SYNPO: variants seen among roughly 807,000 people sequenced by gnomAD.
SYNPO encodes synaptopodin.
A neutral mutation model predicts 49.5 loss-of-function variants in SYNPO; 19 were observed. That is an observed-to-expected ratio of 0.38 (90% confidence interval 0.27 to 0.56). SYNPO has a LOEUF of 0.56. SYNPO is among the 20% of genes least tolerant of loss of function. The pLI is 0.68. For missense variants in SYNPO, 1,131 were observed against 1,248.3 expected, an observed-to-expected ratio of 0.91 and a Z score of 1.42; for synonymous variants, 536 against 548.0, an observed-to-expected ratio of 0.98 and a Z score of 0.31.
At chr5:150,641,538 TC>T (rs58682953) in intron 1 of SYNPO, among the ~76,000 whole-genome samples, 2,867 of 152,182 alleles carry the variant, frequency 0.019, 88 homozygotes, top group African/African-American at 0.065. Flanking sequence ...TGGCCTCCCT[TC>T]CCCGGCCCCA....
chr5:150,618,744 G>C (rs1047079360), exon 2 of SYNPO: 3 of 1,551,014 alleles, frequency 1.9e-6, no homozygotes, highest in Non-Finnish European at 2.6e-6. Context: ...CCTGGCCCTG[G>C]GCCCAGAGTG....
intron 2 of SYNPO, 101 bp from the exon 3 acceptor site, chr5:150,656,302 CT>C: frequency 1.0e-6 from 1 of 993,542 alleles, no homozygotes; most frequent in Admixed American, 3.1e-5. Flanking sequence ...GGTGGCTTCC[CT>C]TCTCGGTGTA....
chr5:150,637,232 G>A (rs1757746168), upstream of SYNPO, among the ~76,000 whole-genome samples: 1 of 152,128 alleles, frequency 6.6e-6, no homozygotes, highest in South Asian at 2.1e-4. Context: ...AGGCTGAATG[G>A]ATTCGGGAGT....
chr5:150,620,678 G>A (rs1467635419), intron 2 of SYNPO, among the ~76,000 whole-genome samples: 6 of 152,178 alleles, frequency 3.9e-5, no homozygotes, highest in Non-Finnish European at 7.3e-5. Flanking sequence ...CTGTTGGCAA[G>A]TCACACCAAG....
chr5:150,645,196 G>C (rs1201008137), intron 1 of SYNPO, among the ~76,000 whole-genome samples: 1 of 152,328 alleles, frequency 6.6e-6, no homozygotes, highest in Admixed American at 6.5e-5. Flanking sequence ...AGCTCTGAGA[G>C]TCCATGAATT....
At chr5:150,621,101 C>T (rs1410356800) in intron 2 of SYNPO, among the ~76,000 whole-genome samples, 3 of 151,698 alleles carry the variant, frequency 2.0e-5, no homozygotes, top group African/African-American at 4.8e-5. Flanking sequence ...TACAGGTGCC[C>T]GCCACCATGC....
At chr5:150,624,814 C>G (rs1397798517) in intron 2 of SYNPO, 1 of 970,146 alleles carries the variant, frequency 1.0e-6, no homozygotes, top group Admixed American at 6.3e-5. Context: ...GCGGGGGTGG[C>G]GGGGACCTCG....
chr5:150,657,091 C>T lies in SYNPO; in HGVS notation c.*4C>T. The T allele has an allele frequency of 7.3e-7, 1 of 1,364,616 alleles. No individual in the cohort carries two copies. Among genetic ancestry groups the T allele is most frequent in the Non-Finnish European group, 1.0e-6 (1 of 978,398 alleles). 84.5% of individuals were successfully genotyped at this position (1,364,616 alleles called of 1,614,324 possible). A position where few individuals can be genotyped will look rare whatever the true frequency, so the allele number is the denominator to read the frequency against. On this transcript the variant is annotated 3_prime_UTR_variant, in exon 3 of 3. Transcript: ENST00000307662. ...CGAGGCCTCCTGCACCACCTAGAGC[C>T]CCACCCCCGACCCCACCCCGGGAGG...
rs1310889102 is a variant in SYNPO, at chr5:150,648,019, A to G, written c.-257A>G. The stretch of plus-strand genomic sequence containing the variant: ...GCGCGGAGCCAGCAGATTGCAGCCC[A>G]GCTGACCACCCCTCCCAGCTCCAAT... On this transcript the variant is annotated 5_prime_UTR_variant, in exon 2 of 3. Coordinates refer to ENST00000307662, the MANE Select transcript of SYNPO (RefSeq NM_007286.6). The surrounding 1 kb of genome is among the most constrained non-coding windows in gnomAD (Gnocchi z 5.0). The G allele has an allele frequency of 1.9e-6, 3 of 1,551,876 alleles. No homozygotes were observed. Among genetic ancestry groups the G allele is most frequent in the South Asian group, 1.2e-5 (1 of 84,066 alleles).
At chr5:150,586,199 G>C in the SYNPO span, among the ~76,000 whole-genome samples, 1 of 152,264 alleles carries the variant, frequency 6.6e-6, no homozygotes, top group Non-Finnish European at 1.5e-5. Flanking sequence ...AGAAGGGAAA[G>C]CTCATGCTTG....
chr5:150,587,237 T>G, the SYNPO span, among the ~76,000 whole-genome samples: 1 of 151,900 alleles, frequency 6.6e-6, no homozygotes. Flanking sequence ...GATATGTGGA[T>G]GGATGGATGG....
chr5:150,588,151 T>C, the SYNPO span, among the ~76,000 whole-genome samples: 12 of 152,198 alleles, frequency 7.9e-5, no homozygotes, highest in Non-Finnish European at 1.2e-4. Context: ...TCCAAAGGCC[T>C]CAGCCTGACT....
Position 150,656,523 on chromosome 5 carries a change from G to A in SYNPO, c.2148G>A (p.Met716Ile), listed in dbSNP as rs1336883952. The change falls in exon 3 of 3, where the codon ATG becomes ATA. Residue 716 changes from methionine to isoleucine, a missense_variant. Around this residue, in one of 4 missense-constraint regions of SYNPO, gnomAD observed 509 missense variants for 484.5 expected, o/e 1.05. Coordinates refer to ENST00000307662, the MANE Select transcript of SYNPO (RefSeq NM_007286.6). ...GGGAGCCAGGTCGCGGGAGCAGCAT[G>A]AGCAGCCCCCCGCCGCTGCCGCCGC... ...GPWEPGRGSS[M>I]SSPPPLPPPP... The A allele has an allele frequency of 1.3e-6, 2 of 1,530,082 alleles. No homozygotes were observed. The highest frequency in any genetic ancestry group is 1.7e-6 in the Non-Finnish European group (2 of 1,144,666). The allele number at this position is 1,530,082 out of a possible 1,614,324, so 94.8% of individuals were successfully genotyped here.
upstream of SYNPO, among the ~76,000 whole-genome samples, chr5:150,598,692 G>A (rs1414323441): frequency 2.0e-5 from 3 of 152,142 alleles, no homozygotes; most frequent in Admixed American, 6.5e-5. Flanking sequence ...GAACTCCTAC[G>A]AAACCCCCTT....
chr5:150,643,727 G>A (rs1309700040), intron 1 of SYNPO, among the ~76,000 whole-genome samples: 1 of 152,060 alleles, frequency 6.6e-6, no homozygotes, highest in Admixed American at 6.5e-5. Context: ...TAGAGATGGG[G>A]TTTCACCATA....
intron 1 of SYNPO, chr5:150,601,318 C>A (rs1756534729): frequency 1.3e-5 from 2 of 152,116 alleles, no homozygotes. Flanking sequence ...AGGGCCAGGG[C>A]CCTGGCAGGG....
intron 2 of SYNPO, chr5:150,652,363 G>A (rs764210892): frequency 5.6e-5 from 55 of 986,612 alleles, no homozygotes; most frequent in Non-Finnish European, 6.4e-5. Context: ...TCTTTCTTCC[G>A]TGCTGCTAGG....
the SYNPO span, among the ~76,000 whole-genome samples, chr5:150,587,211 T>C: frequency 4.0e-5 from 6 of 149,212 alleles, no homozygotes; most frequent in Admixed American, 4.0e-4. Flanking sequence ...TGGATGGATA[T>C]AGGGATGCAT....
intron 1 of SYNPO, among the ~76,000 whole-genome samples, chr5:150,602,353 G>A (rs1251398309): frequency 6.6e-6 from 1 of 152,240 alleles, no homozygotes; most frequent in Non-Finnish European, 1.5e-5. Context: ...GTTTTCCAAA[G>A]TCTGGTGTGT....
Sources: allele counts gnomAD v4.1 joint callset (sites outside exome capture counted in the v4.1 genomes callset), GRCh38; gene constraint gnomAD v4.1.1; regional missense constraint gnomAD v4.1.1; non-coding constraint Gnocchi (gnomAD v3.1); transcripts MANE v1.5; gene names NCBI Gene and HGNC (gene_info 2026-07-23, HGNC 2026-07-21).